WDR11: variants seen among roughly 807,000 people sequenced by gnomAD.
WDR11 encodes WD repeat domain 11, also known as WD repeat-containing protein 11.
WDR11 carries 83 observed loss-of-function variants against 151.2 expected under a neutral mutation model. The observed-to-expected ratio is 0.55, with a 90% CI of 0.46 to 0.66. The LOEUF is 0.66. Ranked by LOEUF, WDR11 falls within the 30% of genes least tolerant of loss-of-function variation. WDR11 has a pLI of 0.00. For missense variants in WDR11, 1,301 were observed against 1,480.9 expected (o/e 0.88, Z 1.99); for synonymous variants, 484 against 533.1 (o/e 0.91, Z 1.27).
At chr10:120,860,336 T>C in intron 4 of WDR11, 54 bp downstream of exon 4, 1 of 1,568,426 alleles carries the variant, frequency 6.4e-7, no homozygotes, top group Non-Finnish European at 8.7e-7. Flanking sequence ...TATAATATAG[T>C]AATGCTATGT....
intron 2 of WDR11, among the ~76,000 whole-genome samples, chr10:120,853,601 A>G (rs986604902): frequency 2.6e-5 from 4 of 152,156 alleles, no homozygotes; most frequent in African/African-American, 4.8e-5. Context: ...TGATGTGACC[A>G]TATTCGCGTC....
intron 13 of WDR11, among the ~76,000 whole-genome samples, chr10:120,883,082 A>T (rs551336777): frequency 6.6e-6 from 1 of 151,514 alleles, no homozygotes; most frequent in East Asian, 1.9e-4. Flanking sequence ...TTTAACTTCA[A>T]ACTATTTGGG....
intron 12 of WDR11, chr10:120,879,491 A>G (rs1846922082): frequency 1.3e-5 from 2 of 152,120 alleles, no homozygotes; most frequent in South Asian, 4.1e-4. Flanking sequence ...GTCTAGTATC[A>G]TTGACTTAAA....
At chr10:120,882,087 G>C (rs1847026940) in intron 13 of WDR11, among the ~76,000 whole-genome samples, 1 of 151,922 alleles carries the variant, frequency 6.6e-6, no homozygotes, top group Admixed American at 6.6e-5. Flanking sequence ...TGCTTTTTCT[G>C]TATTCATTGA....
chr10:120,878,027 T>C (rs1350393329), intron 11 of WDR11, among the ~76,000 whole-genome samples: 1 of 152,216 alleles, frequency 6.6e-6, no homozygotes, highest in East Asian at 1.9e-4. Context: ...GTTTGTGTCT[T>C]TGTCTGGTAG....
At chr10:120,879,415 G>A (rs1447702088) in intron 12 of WDR11, 1 of 151,994 alleles carries the variant, frequency 6.6e-6, no homozygotes. Flanking sequence ...TCATCCCCAA[G>A]TTCCTAATTT....
At chr10:120,867,415 T>TG (rs1846354278) in intron 9 of WDR11, among the ~76,000 whole-genome samples, 1 of 152,228 alleles carries the variant, frequency 6.6e-6, no homozygotes, top group South Asian at 2.1e-4. Context: ...GAGAGACTGA[T>TG]GTAAATGAAA....
Position 120,889,967 on chromosome 10 carries a change from A to T in WDR11, c.2301A>T (p.Ile767=), listed in dbSNP as rs1361985962. ...FAPGKGNQKL[I]AMYNDGAEVW... Reference sequence around the variant, plus strand: ...CTGGTAAAGGAAATCAAAAATTAATAGCAATGTACAATGATGGAGCTGAAG... The same window carrying T: ...CTGGTAAAGGAAATCAAAAATTAATTGCAATGTACAATGATGGAGCTGAAG... The change falls in exon 18 of 29, where the codon ATA becomes ATT. Residue 767 remains isoleucine (I), a synonymous_variant. Coordinates refer to ENST00000263461, the MANE Select transcript of WDR11 (RefSeq NM_018117.12). 1 of 1,614,080 alleles carries T rather than the reference A, an allele frequency of 6.2e-7. No individual in the cohort carries two copies. The highest frequency in any genetic ancestry group is 8.5e-7 in the Non-Finnish European group (1 of 1,179,946).
intron 2 of WDR11, among the ~76,000 whole-genome samples, chr10:120,856,968 A>G (rs1274175323): frequency 1.3e-5 from 2 of 152,192 alleles, no homozygotes; most frequent in Non-Finnish European, 1.5e-5. Flanking sequence ...CAACTGATCA[A>G]TAGATAACCT....
Position 120,873,850 on chromosome 10 carries a change from G to A in WDR11, c.1483G>A (p.Gly495Ser). ...TGTCATTTTGAAAGGTACAAGTAAT[G>A]GTTCTGTCCTGGTGTACCATCTCAC... ...QPLLAVGTSN[G>S]SVLVYHLTSG... The change falls in exon 11 of 29, where the codon GGT (glycine) becomes AGT (serine). Residue 495 changes from glycine to serine, a missense_variant. Gly to Ser is a moderately conservative substitution (Grantham distance 56). Around this residue, in one of 3 missense-constraint regions of WDR11, gnomAD observed 692 missense variants for 762.5 expected, o/e 0.91. Coordinates refer to ENST00000263461, the MANE Select transcript of WDR11 (RefSeq NM_018117.12). The A allele has an allele frequency of 1.2e-6, 2 of 1,612,020 alleles. No individual in the cohort carries two copies. The highest frequency in any genetic ancestry group is 1.7e-6 in the Non-Finnish European group (2 of 1,178,196).
chr10:120,851,842 G>A (rs1845787376), intron 1 of WDR11: 2 of 438,836 alleles, frequency 4.6e-6, no homozygotes, highest in East Asian at 4.7e-5. Context: ...AATTCCCTGT[G>A]CACTTTCTCT....
rs150630318 is a variant in WDR11, at chr10:120,866,712, G to A, written c.1138G>A (p.Val380Ile). Reference protein sequence around the residue: ...AAALVVSDGRVMIWELKSAVC... With the variant: ...AAALVVSDGRIMIWELKSAVC... ...CGCCCTCGTAGTGAGTGATGGCAGG[G>A]TCATGATATGGGAACTCAAGTCTGC... Residue 380 changes from valine (V) to isoleucine (I), a missense_variant, in exon 8 of 29, where the codon GTC becomes ATC. Coordinates refer to ENST00000263461, the MANE Select transcript of WDR11 (RefSeq NM_018117.12). The A allele has an allele frequency of 1.1e-4, 171 of 1,614,040 alleles. No homozygotes were observed. The highest frequency in any genetic ancestry group is 1.4e-4 in the Non-Finnish European group (165 of 1,180,042).
chr10:120,878,491 A>C (rs990722798), intron 12 of WDR11, 32 bp downstream of exon 12: 1 of 1,535,154 alleles, frequency 6.5e-7, no homozygotes, highest in African/African-American at 1.4e-5. Flanking sequence ...TAGGTTTGTC[A>C]TATTGAATAA....
chr10:120,852,678 A>G, intron 2 of WDR11, 43 bp downstream of exon 2: 4 of 1,495,264 alleles, frequency 2.7e-6, no homozygotes, highest in Middle Eastern at 1.7e-4. Flanking sequence ...TGTCTAGTCT[A>G]AAGTTTAATA....
At chr10:120,897,115 T>G (rs1199666338) in intron 19 of WDR11, among the ~76,000 whole-genome samples, 1 of 152,116 alleles carries the variant, frequency 6.6e-6, no homozygotes, top group African/African-American at 2.4e-5. Context: ...CTGGGGGTAG[T>G]CTGAGCATCA....
At chr10:120,870,857 G>C (rs1241160883) in intron 9 of WDR11, among the ~76,000 whole-genome samples, 1 of 152,142 alleles carries the variant, frequency 6.6e-6, no homozygotes, top group Admixed American at 6.5e-5. Flanking sequence ...CTCTTGCTTT[G>C]TTCTGAAGCC....
chr10:120,904,028 CT>C lies in WDR11; in HGVS notation c.2932-11del, dbSNP rs749008728. ...CTCTTATAATCCAGGCTTAATTTTT[CT>C]TTTTTTTCCAATTCTAGAAATTTCA... On this transcript the variant is annotated intron_variant, in intron 23 of 28. Transcript: ENST00000263461. The C allele has an allele frequency of 9.1e-6, 14 of 1,540,100 alleles. No individual in the cohort carries two copies. The highest frequency in any genetic ancestry group is 1.1e-5 in the South Asian group (1 of 89,440).
chr10:120,859,993 TG>T (rs1846085874), intron 3 of WDR11, 115 bp from the exon 4 acceptor site: 1 of 1,142,990 alleles, frequency 8.7e-7, no homozygotes, highest in East Asian at 2.5e-5. Context: ...CATTTGGGGC[TG>T]GTGGTTAAGT....
chr10:120,862,128 TTTTTTG>T (rs1157030403), intron 4 of WDR11, among the ~76,000 whole-genome samples: 3 of 151,040 alleles, frequency 2.0e-5, no homozygotes, highest in African/African-American at 2.4e-5. Context: ...TGTTTGTTTG[TTTTTTG>T]TTTTTGTTTT....
Sources: gnomAD v4.1 joint callset for allele counts (sites outside exome capture counted in the v4.1 genomes callset) on GRCh38, gnomAD v4.1.1 for gene constraint, gnomAD v4.1.1 regional missense constraint, MANE v1.5 for transcripts, NCBI Gene and HGNC (gene_info 2026-07-23, HGNC 2026-07-21) for gene names.